The following ZNF682 variants were observed in gnomAD, a reference collection of about 807,000 sequenced individuals.
The protein encoded by ZNF682 is zinc finger protein 682.
In ZNF682, 29 loss-of-function variants were observed where a neutral mutation model predicts 36.5. The ratio of observed to expected loss-of-function variants is 0.80; its 90% CI spans 0.59 to 1.08. The LOEUF (loss-of-function observed/expected upper bound fraction) is 1.08. Ranked by LOEUF, ZNF682 falls within the 50% of genes least tolerant of loss-of-function variation. The pLI is 0.00. For missense variants in ZNF682, 561 were observed against 579.7 expected (o/e 0.97, Z 0.33); for synonymous variants, 180 against 197.0 (o/e 0.91, Z 0.72).
intron 3 of ZNF682, among the ~76,000 whole-genome samples, chr19:20,012,904 G>C (rs1439311160): frequency 6.6e-6 from 1 of 151,748 alleles, no homozygotes; most frequent in Admixed American, 6.6e-5. Flanking sequence ...GATAAAAAGG[G>C]AGAAAAAGAA....
At chr19:20,026,741 C>T (rs1024025138) in intron 1 of ZNF682, among the ~76,000 whole-genome samples, 5 of 152,208 alleles carry the variant, frequency 3.3e-5, no homozygotes, top group Non-Finnish European at 5.9e-5. Context: ...CCTGGGATTA[C>T]AGGCATGAGC....
At position 20,039,469 on chromosome 19, in the gene ZNF682, G is replaced by C; in HGVS notation, c.-124C>G. ...AGAGCAGAGGATACTAAGCAATGAA[G>C]ATGGACCCTGAGCTCTGGCTGGAGC... On this transcript the variant is annotated 5_prime_UTR_variant, in exon 1 of 4. It adds an upstream start codon to the 5' untranslated region. Transcript: ENST00000397165. The C allele has an allele frequency of 7.6e-7, 1 of 1,323,948 alleles. No individual in the cohort carries two copies. Among genetic ancestry groups the C allele is most frequent in the East Asian group, 2.4e-5 (1 of 41,836 alleles). 82.0% of individuals were successfully genotyped at this position (1,323,948 alleles called of 1,614,324 possible).
chr19:20,032,841 C>T (rs1264477251), intron 1 of ZNF682, among the ~76,000 whole-genome samples: 2 of 152,174 alleles, frequency 1.3e-5, no homozygotes, highest in Admixed American at 6.5e-5. Flanking sequence ...CCTAAACCCA[C>T]CTGGGAATTG....
chr19:20,027,615 C>T (rs753468130), intron 1 of ZNF682, among the ~76,000 whole-genome samples: 17 of 152,036 alleles, frequency 1.1e-4, no homozygotes, highest in Non-Finnish European at 2.5e-4. Flanking sequence ...CAAAATTAGC[C>T]GAGTGTGGTG....
rs2088411705 is a variant in ZNF682 at position 20,024,243 on chromosome 19, T to G, written c.130+7A>C. 6.2e-7 allele frequency: 1 copy of G among 1,613,364 alleles called. No individual in the cohort carries two copies. Among genetic ancestry groups the G allele is most frequent in the Admixed American group, 1.7e-5 (1 of 59,892 alleles). The stretch of plus-strand genomic sequence containing the variant: ...AAATAGAAATTGTGTATTGAAGTTA[T>G]TCTCACCCAGAGAGACCAGGTTTCT... On this transcript the variant is annotated splice_region_variant and intron_variant, in intron 2 of 3. Coordinates refer to ENST00000397165, the MANE Select transcript of ZNF682 (RefSeq NM_033196.3).
In ZNF682 at chr19:20,006,467, T is replaced by G. The variant is rs1455878092; in HGVS notation, c.1035A>C (p.Glu345Asp). 1 of 1,613,968 alleles carries G rather than the reference T, an allele frequency of 6.2e-7. No individual in the cohort carries two copies. Among genetic ancestry groups the G allele is most frequent in the Non-Finnish European group, 8.5e-7 (1 of 1,180,016 alleles). The change falls in exon 4 of 4, where the codon GAA (glutamate) becomes GAC (aspartate). Residue 345 changes from glutamate to aspartate, a missense_variant. By Grantham distance (45) the Glu-to-Asp change is conservative. Transcript: ENST00000397165. ...ATGATGAGTTAAAAGCTTTGCCACATTCTTCACATTTATAGGGTTTCTCTC... is the reference window on the plus strand; with the variant it reads ...ATGATGAGTTAAAAGCTTTGCCACAGTCTTCACATTTATAGGGTTTCTCTC... ...HTGEKPYKCE[E>D]CGKAFNSSSI...
chr19:20,026,252 G>A (rs928577366), intron 1 of ZNF682, among the ~76,000 whole-genome samples: 1 of 151,766 alleles, frequency 6.6e-6, no homozygotes, highest in Non-Finnish European at 1.5e-5. Context: ...GCAGTGAGCC[G>A]AGATCGCGCC....
Position 20,012,686 on chromosome 19 carries a change from C to T in ZNF682, c.227-5411G>A, listed in dbSNP as rs1429621286. On this transcript the variant is annotated intron_variant, in intron 3 of 3. Coordinates refer to ENST00000397165, the MANE Select transcript of ZNF682 (RefSeq NM_033196.3). ...GGGAGGCTGAGGCAGGAGAATGGCA[C>T]GAACCCGGGAGGCGGAGCTTGCAGT... Among the ~76,000 whole-genome samples the T allele has an allele frequency of 4.7e-5, 7 of 147,572 alleles. No homozygotes were observed. In the South Asian group the frequency reaches 6.4e-4, roughly 13 times the overall value.
intron 3 of ZNF682, 59 bp from the exon 4 acceptor site, chr19:20,007,334 C>G: frequency 7.1e-7 from 1 of 1,408,546 alleles, no homozygotes; most frequent in Admixed American, 2.6e-5. Context: ...GATACATATA[C>G]TTTACAAATC....
intron 3 of ZNF682, among the ~76,000 whole-genome samples, chr19:20,009,566 G>T (rs1180619039): frequency 6.6e-6 from 1 of 152,054 alleles, no homozygotes; most frequent in Non-Finnish European, 1.5e-5. Flanking sequence ...CATCCTCAAG[G>T]CACATAGTAT....
chr19:20,015,975 G>T (rs2088331215), intron 3 of ZNF682: 2 of 379,670 alleles, frequency 5.3e-6, no homozygotes, highest in Non-Finnish European at 4.7e-6. Flanking sequence ...GAGGAATATA[G>T]ATGAAAATGC....
At chr19:20,031,543 T>G (rs1442504681) in intron 1 of ZNF682, among the ~76,000 whole-genome samples, 1 of 152,258 alleles carries the variant, frequency 6.6e-6, no homozygotes, top group Non-Finnish European at 1.5e-5. Context: ...AGTGCTTATA[T>G]GCAGATTCTA....
chr19:20,016,509 A>G (rs1013039465), intron 3 of ZNF682, among the ~76,000 whole-genome samples: 1 of 152,108 alleles, frequency 6.6e-6, no homozygotes, highest in Non-Finnish European at 1.5e-5. Context: ...TATTAAAAGT[A>G]TTTTTTAAAA....
chr19:19,998,123 G>A lies in ZNF682; in HGVS notation c.227-860C>T, dbSNP rs1455561880. ...AAAATGATTGAATCATACCTGCACC[G>A]TACCCTGAGGACCAGTCTGAGGACA... On this transcript the variant is annotated intron_variant, in intron 3 of 3. Coordinates refer to the ZNF682 transcript ENST00000596019. Among the ~76,000 whole-genome samples the A allele has an allele frequency of 4.6e-5, 7 of 152,164 alleles. No homozygotes were observed. The South Asian group carries it at 6.2e-4, about 14-fold the overall frequency.
chr19:20,014,369 T>G (rs2088316493), intron 3 of ZNF682, among the ~76,000 whole-genome samples: 1 of 152,182 alleles, frequency 6.6e-6, no homozygotes, highest in South Asian at 2.1e-4. Flanking sequence ...AATTGTAGCA[T>G]TATTCACAAA....
chr19:20,022,743 A>C (rs2088397261), intron 3 of ZNF682, among the ~76,000 whole-genome samples: 1 of 152,202 alleles, frequency 6.6e-6, no homozygotes, highest in Non-Finnish European at 1.5e-5. Context: ...AGACAATGAA[A>C]GGGCAGTCAG....
At chr19:20,015,088 G>T in intron 3 of ZNF682, 1 of 576,342 alleles carries the variant, frequency 1.7e-6, no homozygotes, top group Non-Finnish European at 2.2e-6. Context: ...AAATATTTAA[G>T]ATTCTAAATT....
intron 3 of ZNF682, chr19:20,015,744 GA>G (rs1033098676): frequency 2.5e-6 from 1 of 397,146 alleles, no homozygotes; most frequent in African/African-American, 2.1e-5. Context: ...AAAGCTTTGA[GA>G]AAATAATTTT....
chr19:20,020,675 A>G (rs959948946), intron 3 of ZNF682, among the ~76,000 whole-genome samples: 1 of 152,176 alleles, frequency 6.6e-6, no homozygotes, highest in Admixed American at 6.6e-5. Flanking sequence ...GTGGACCCTG[A>G]CTGGATAAAG....
Sources: allele counts gnomAD v4.1 joint callset (sites outside exome capture counted in the v4.1 genomes callset), GRCh38; gene constraint gnomAD v4.1.1; transcripts MANE v1.5; gene names NCBI Gene and HGNC (gene_info 2026-07-23, HGNC 2026-07-21).